Variants in DKK2 observed in about 807,000 individuals in gnomAD.
DKK2 encodes dickkopf-related protein 2.
DKK2 carries 11 observed loss-of-function variants against 28.1 expected under a neutral mutation model. The observed-to-expected ratio is 0.39, with a 90% confidence interval of 0.25 to 0.65. The LOEUF (loss-of-function observed/expected upper bound fraction) is 0.65, where lower values mean the gene tolerates loss of function less well. DKK2 is among the 30% of genes least tolerant of loss of function. The pLI is 0.47. For missense variants in DKK2, 326 were observed against 335.5 expected, an observed-to-expected ratio of 0.97 and a Z score of 0.22; for synonymous variants, 135 against 126.5, an observed-to-expected ratio of 1.07 and a Z score of -0.45.
chr4:106,955,503 A>G (rs572579880), intron 1 of DKK2, among the ~76,000 whole-genome samples: 2 of 152,218 alleles, frequency 1.3e-5, no homozygotes, highest in Admixed American at 1.3e-4. Flanking sequence ...ATTACACCCA[A>G]CACACATCAA....
chr4:106,955,865 C>T (rs548579714), intron 1 of DKK2, among the ~76,000 whole-genome samples: 167 of 152,272 alleles, frequency 1.1e-3, no homozygotes, highest in African/African-American at 3.6e-3. Context: ...AGTCCTCTCA[C>T]GCCCTCCTCC....
chr4:107,027,976 T>C (rs1333354169), intron 1 of DKK2, among the ~76,000 whole-genome samples: 1 of 151,910 alleles, frequency 6.6e-6, no homozygotes, highest in African/African-American at 2.4e-5. Flanking sequence ...ATGGTCTCGA[T>C]CTCCTGACCT....
chr4:107,028,688 T>C (rs1207404692), intron 1 of DKK2, among the ~76,000 whole-genome samples: 1 of 152,196 alleles, frequency 6.6e-6, no homozygotes, highest in Non-Finnish European at 1.5e-5. Context: ...CATCTAATTA[T>C]CTGAACGGCA....
At chr4:106,969,562 G>T in intron 1 of DKK2, among the ~76,000 whole-genome samples, 1 of 151,890 alleles carries the variant, frequency 6.6e-6, no homozygotes, top group Non-Finnish European at 1.5e-5. Flanking sequence ...AGACAGGAGT[G>T]ATATTCTTTT....
Position 106,924,114 on chromosome 4 carries a change from A to T in DKK2, c.620T>A (p.Val207Glu). 6.2e-7 allele frequency: 1 copy of T among 1,614,032 alleles called. No homozygotes were observed. Among genetic ancestry groups the T allele is most frequent in the East Asian group, 2.2e-5 (1 of 44,864 alleles). The stretch of plus-strand genomic sequence containing the variant: ...GGTACAGACTTCCCCCTGATGGAGC[A>T]CTGGTTTGCAGATTTTGGTCCAGAA... ...RHFWTKICKP[V>E]LHQGEVCTKQ... Residue 207 changes from valine to glutamate, a missense_variant, in exon 4 of 4, where the codon GTG becomes GAG. Val to Glu is a moderately radical substitution (Grantham distance 121, BLOSUM62 -2). Coordinates refer to ENST00000285311, the MANE Select transcript of DKK2 (RefSeq NM_014421.3).
At chr4:106,973,585 G>GT (rs1199147512) in intron 1 of DKK2, among the ~76,000 whole-genome samples, 7 of 151,940 alleles carry the variant, frequency 4.6e-5, no homozygotes, top group East Asian at 1.9e-4. Flanking sequence ...TGGGGTTTTT[G>GT]TTTTTTTCTT....
chr4:107,028,409 T>C (rs1723825249), intron 1 of DKK2, among the ~76,000 whole-genome samples: 1 of 152,222 alleles, frequency 6.6e-6, no homozygotes, highest in African/African-American at 2.4e-5. Context: ...GTGGTAATGA[T>C]GTCATCAGCA....
chr4:107,028,587 G>A (rs1047836203), intron 1 of DKK2, among the ~76,000 whole-genome samples: 1 of 152,110 alleles, frequency 6.6e-6, no homozygotes, highest in Non-Finnish European at 1.5e-5. Context: ...CTAGAGAGAT[G>A]AAGTGACTTT....
intron 1 of DKK2, among the ~76,000 whole-genome samples, chr4:106,943,056 A>AGGT (rs1210756893): frequency 6.6e-6 from 1 of 152,136 alleles, no homozygotes; most frequent in African/African-American, 2.4e-5. Context: ...CCCTCTGCCA[A>AGGT]GAACACCCTT....
At chr4:107,020,096 G>A (rs1158081117) in intron 1 of DKK2, among the ~76,000 whole-genome samples, 2 of 151,910 alleles carry the variant, frequency 1.3e-5, no homozygotes, top group Non-Finnish European at 2.9e-5. Flanking sequence ...TCTTAATTTT[G>A]TAAGGTTCAG....
chr4:107,009,232 A>T (rs986416284), intron 1 of DKK2, among the ~76,000 whole-genome samples: 2 of 152,044 alleles, frequency 1.3e-5, no homozygotes, highest in African/African-American at 4.8e-5. Flanking sequence ...TTTTAACACC[A>T]AACATTTATA....
intron 1 of DKK2, among the ~76,000 whole-genome samples, chr4:107,005,539 G>C (rs1017399604): frequency 1.3e-5 from 2 of 151,928 alleles, no homozygotes; most frequent in African/African-American, 4.8e-5. Flanking sequence ...CCAAATAAAT[G>C]TGGATATTCT....
intron 1 of DKK2, among the ~76,000 whole-genome samples, chr4:106,983,422 A>G (rs1375260568): frequency 1.3e-5 from 2 of 152,070 alleles, no homozygotes; most frequent in East Asian, 1.9e-4. Context: ...GCCAAGCCTC[A>G]TATCTTACAC....
chr4:106,947,983 C>T lies in DKK2; in HGVS notation c.223-22034G>A, dbSNP rs77768375. Among the ~76,000 whole-genome samples the T allele has an allele frequency of 5.3e-5, 8 of 152,186 alleles. No individual in the cohort carries two copies. The East Asian group carries it at 1.5e-3, about 29-fold the overall frequency. ...CATTTTAAAGTAAACTGCTCGGTGG[C>T]ATTTTGTACATTCACAATGTCATGC... On this transcript the variant is annotated intron_variant, in intron 1 of 3. Coordinates refer to ENST00000285311, the MANE Select transcript of DKK2 (RefSeq NM_014421.3).
intron 1 of DKK2, among the ~76,000 whole-genome samples, chr4:106,979,784 G>A (rs538701926): frequency 3.9e-5 from 6 of 152,178 alleles, no homozygotes; most frequent in African/African-American, 7.2e-5. Context: ...ACTCAAACTC[G>A]CTGCACTCAG....
At chr4:107,018,391 T>C (rs1387315640) in intron 1 of DKK2, among the ~76,000 whole-genome samples, 2 of 152,054 alleles carry the variant, frequency 1.3e-5, no homozygotes, top group Non-Finnish European at 2.9e-5. Flanking sequence ...AAGGATTAGA[T>C]TCTTAAAAGA....
intron 1 of DKK2, among the ~76,000 whole-genome samples, chr4:107,013,534 A>T (rs1723543937): frequency 6.6e-6 from 1 of 151,552 alleles, no homozygotes; most frequent in Non-Finnish European, 1.5e-5. Flanking sequence ...CATAAAAATC[A>T]ACTTAGAATG....
intron 1 of DKK2, among the ~76,000 whole-genome samples, chr4:107,004,859 G>A (rs1374818149): frequency 6.6e-6 from 1 of 152,158 alleles, no homozygotes; most frequent in Non-Finnish European, 1.5e-5. Context: ...TTTGAGATAT[G>A]TAAGATGAAA....
intron 1 of DKK2, among the ~76,000 whole-genome samples, chr4:106,995,675 C>T (rs1331165990): frequency 6.6e-6 from 1 of 152,102 alleles, no homozygotes; most frequent in Non-Finnish European, 1.5e-5. Flanking sequence ...TGCAGTGGCG[C>T]GATCTCGGCT....
Sources: gnomAD v4.1 joint callset for allele counts (sites outside exome capture counted in the v4.1 genomes callset) on GRCh38, gnomAD v4.1.1 for gene constraint, MANE v1.5 for transcripts, NCBI Gene and HGNC (gene_info 2026-07-23, HGNC 2026-07-21) for gene names.